The following SDK2 variants were observed in gnomAD, a reference collection of about 807,000 sequenced individuals.
The protein encoded by SDK2 is sidekick cell adhesion molecule 2.
A neutral mutation model predicts 253.9 loss-of-function variants in SDK2; 105 were observed. That is an observed-to-expected ratio of 0.41 (90% CI 0.35 to 0.49). The LOEUF (loss-of-function observed/expected upper bound fraction) is 0.49, where lower values mean the gene tolerates loss of function less well. Ranked by LOEUF, SDK2 falls within the 20% of genes least tolerant of loss-of-function variation. The probability of loss-of-function intolerance (pLI) is 0.06; values close to 1 mark genes in which losing one functional copy is unlikely to be tolerated. For missense variants in SDK2, 2,608 were observed against 3,003.0 expected, an observed-to-expected ratio of 0.87 and a Z score of 3.07; for synonymous variants, 1,249 against 1,234.9, an observed-to-expected ratio of 1.01 and a Z score of -0.24.
chr17:73,545,962 G>T (rs894938585), intron 1 of SDK2, among the ~76,000 whole-genome samples: 5 of 152,208 alleles, frequency 3.3e-5, no homozygotes, highest in Non-Finnish European at 5.9e-5. Context: ...GAGCAAGGAG[G>T]CTTGTGCAAC....
intron 18 of SDK2, among the ~76,000 whole-genome samples, chr17:73,410,482 T>C (rs1239868105): frequency 6.6e-6 from 1 of 152,096 alleles, no homozygotes; most frequent in Non-Finnish European, 1.5e-5. Flanking sequence ...CACACCTGGC[T>C]AATTTTTGTA....
chr17:73,644,138 GT>G lies in SDK2; in HGVS notation c.-51del. On this transcript the variant is annotated 5_prime_UTR_variant, in exon 1 of 45. Coordinates refer to ENST00000392650, the MANE Select transcript of SDK2 (RefSeq NM_001144952.2). The surrounding 1 kb of genome is among the most constrained non-coding windows in gnomAD (Gnocchi z 6.3). ...TCGGGGTCTCCCTTCCCTCCGCCCT[GT>G]TTTATAATCCTGGTGGGGTCCGATA... is the stretch of plus-strand genomic sequence containing the variant. 1 of 1,466,034 alleles carries G rather than the reference GT, an allele frequency of 6.8e-7. No homozygotes were observed. Among genetic ancestry groups the G allele is most frequent in the Non-Finnish European group, 9.3e-7 (1 of 1,069,614 alleles). 90.8% of individuals were successfully genotyped at this position (1,466,034 alleles called of 1,614,324 possible). A position where few individuals can be genotyped will look rare whatever the true frequency, so the allele number is the denominator to read the frequency against.
rs138120994 is a variant in SDK2, at chr17:73,588,178, G to T, written c.64+55847C>A. Among the ~76,000 whole-genome samples the T allele has an allele frequency of 2.1e-3, 311 of 148,112 alleles. 3 individuals are homozygous for T. The South Asian group carries it at 0.028, about 14-fold the overall frequency. ...ACCTGGGGTCAGGAGTTCGAGACCA[G>T]CCTGACCAACATGGAGAGACCCCCC... On this transcript the variant is annotated intron_variant, in intron 1 of 44. Coordinates refer to ENST00000392650, the MANE Select transcript of SDK2 (RefSeq NM_001144952.2).
intron 15 of SDK2, among the ~76,000 whole-genome samples, chr17:73,421,995 C>T (rs950028058): frequency 7.9e-5 from 12 of 152,112 alleles, no homozygotes; most frequent in Admixed American, 2.6e-4. Context: ...GCAGCCCATG[C>T]GGATGTGGAG....
chr17:73,385,718 C>T (rs1472875035), intron 32 of SDK2, 129 bp downstream of exon 32: 4 of 816,682 alleles, frequency 4.9e-6, no homozygotes, highest in African/African-American at 1.7e-5. Context: ...TTTCTCATGG[C>T]TTCCCAGGCG....
At chr17:73,348,362 C>T (rs1029785748) in intron 44 of SDK2, among the ~76,000 whole-genome samples, 1 of 152,220 alleles carries the variant, frequency 6.6e-6, no homozygotes, top group African/African-American at 2.4e-5. Context: ...GGGCCGTCTT[C>T]TTCGGGGTAC....
intron 1 of SDK2, among the ~76,000 whole-genome samples, chr17:73,605,025 G>A (rs1402407072): frequency 6.6e-6 from 1 of 152,242 alleles, no homozygotes; most frequent in African/African-American, 2.4e-5. Flanking sequence ...TGAGAAGAAA[G>A]GAGAGGCCAC....
intron 20 of SDK2, 32 bp downstream of exon 20, chr17:73,401,622 G>A (rs747166280): frequency 2.6e-6 from 4 of 1,539,488 alleles, no homozygotes; most frequent in Admixed American, 3.8e-5. Flanking sequence ...GCCCTGTCCT[G>A]CCCTCTGGTT....
At chr17:73,372,353 C>T (rs74730667) in intron 36 of SDK2, among the ~76,000 whole-genome samples, 3,832 of 152,256 alleles carry the variant, frequency 0.025, 66 homozygotes, top group East Asian at 0.068. Flanking sequence ...CAGGCTCCAG[C>T]GGGCAGGCAT....
intron 4 of SDK2, among the ~76,000 whole-genome samples, chr17:73,448,067 T>C (rs368601657): frequency 2.0e-4 from 30 of 152,208 alleles, no homozygotes; most frequent in Admixed American, 5.2e-4. Flanking sequence ...AGGTATCCCC[T>C]TGGAATTCTG....
At position 73,430,586 on chromosome 17, in the gene SDK2, T is replaced by C; in HGVS notation, c.1508A>G (p.Gln503Arg). Residue 503 changes from glutamine (Q) to arginine (R), a missense_variant, in exon 12 of 45, where the codon CAG (glutamine) becomes CGG (arginine). Physicochemically the swap from Gln to Arg is conservative, Grantham distance 43. Transcript: ENST00000392650. ...WARTRITKPP[Q>R]DQSVIKGTQA... Reference sequence around the variant, plus strand: ...GGTGCCCTTGATGACACTCTGATCCTGGGGGGGCTTGGTGATGCGGGTCCG... The same window carrying C: ...GGTGCCCTTGATGACACTCTGATCCCGGGGGGGCTTGGTGATGCGGGTCCG... 6.3e-7 allele frequency: 1 copy of C among 1,583,122 alleles called. No individual in the cohort carries two copies. Among genetic ancestry groups the C allele is most frequent in the South Asian group, 1.1e-5 (1 of 87,800 alleles).
intron 36 of SDK2, 43 bp from the exon 37 acceptor site, chr17:73,368,636 A>C (rs942048571): frequency 3.4e-6 from 5 of 1,460,740 alleles, no homozygotes; most frequent in African/African-American, 1.4e-5. Flanking sequence ...GACAGGGGCA[A>C]TGAGAGTCCC....
chr17:73,469,376 C>T (rs944325593), intron 3 of SDK2, among the ~76,000 whole-genome samples: 1 of 152,186 alleles, frequency 6.6e-6, no homozygotes, highest in African/African-American at 2.4e-5. Context: ...TCAGGGTACC[C>T]CCATCCCCAG....
chr17:73,450,434 T>G (rs918677065), intron 4 of SDK2, among the ~76,000 whole-genome samples: 1 of 152,200 alleles, frequency 6.6e-6, no homozygotes, highest in African/African-American at 2.4e-5. Flanking sequence ...GCTTCAGGGC[T>G]GACAGGATTT....
rs368307149 is a variant in SDK2, at chr17:73,348,756, G to A, written c.6039-31C>T. ...GAGAGCGGGGGAGTGGGGCCGAGAGGTGCACTCACTCAGAGCGGCCTCCCC... is the reference window on the plus strand; with the variant it reads ...GAGAGCGGGGGAGTGGGGCCGAGAGATGCACTCACTCAGAGCGGCCTCCCC... On this transcript the variant is annotated intron_variant, in intron 43 of 44. Coordinates refer to ENST00000392650, the MANE Select transcript of SDK2 (RefSeq NM_001144952.2). The A allele has an allele frequency of 4.3e-5, 69 of 1,588,904 alleles. No homozygotes were observed. The African/African-American group carries it at 8.6e-4, about 20-fold the overall frequency.
rs530341558 is a variant in SDK2 at position 73,491,828 on chromosome 17, G to A, written c.224+15610C>T. 2.6e-4 allele frequency among the ~76,000 whole-genome samples: 40 copies of A among 152,322 alleles called. 1 individual carries two copies. In the South Asian group the frequency reaches 2.7e-3, roughly 10 times the overall value. On this transcript the variant is annotated intron_variant, in intron 2 of 44. Transcript: ENST00000392650. ...TGGACCAGAACTGTGCTAAGGAAGC[G>A]CTGGGGACCCGCCTGCGAGCCGCCA... is the stretch of plus-strand genomic sequence containing the variant.
chr17:73,382,858 G>A (rs200214263), intron 33 of SDK2, among the ~76,000 whole-genome samples: 1 of 142,826 alleles, frequency 7.0e-6, no homozygotes, highest in Non-Finnish European at 1.6e-5. Flanking sequence ...CAACAACAAC[G>A]ACAACAACAA....
chr17:73,505,499 C>CAATAGCTGGACCTCATCATCG (rs2063927768), intron 2 of SDK2, among the ~76,000 whole-genome samples: 1 of 150,844 alleles, frequency 6.6e-6, no homozygotes, highest in African/African-American at 2.4e-5. Context: ...CATCATCATC[C>CAATAGCTGGACCTCATCATCG]TCAATAGCTG....
At chr17:73,478,981 C>A (rs372881322) in intron 2 of SDK2, among the ~76,000 whole-genome samples, 14 of 152,272 alleles carry the variant, frequency 9.2e-5, no homozygotes, top group Non-Finnish European at 1.9e-4. Flanking sequence ...CATGGTACAA[C>A]GCACATTCAT....
Sources: allele counts gnomAD v4.1 joint callset (sites outside exome capture counted in the v4.1 genomes callset), GRCh38; gene constraint gnomAD v4.1.1; non-coding constraint Gnocchi (gnomAD v3.1); transcripts MANE v1.5; gene names NCBI Gene and HGNC (gene_info 2026-07-23, HGNC 2026-07-21).